The following PABPC4L variants were observed in gnomAD, a reference collection of about 807,000 sequenced individuals.
PABPC4L encodes polyadenylate-binding protein 4-like.
For missense variants in PABPC4L, 452 were observed against 451.4 expected, an observed-to-expected ratio of 1.00 and a Z score of -0.01; for synonymous variants, 169 against 164.1, an observed-to-expected ratio of 1.03 and a Z score of -0.23.
chr4:134,091,316 A>G, the PABPC4L span, among the ~76,000 whole-genome samples: 2 of 151,900 alleles, frequency 1.3e-5, no homozygotes, highest in Non-Finnish European at 2.9e-5. Flanking sequence ...TTTTTATACG[A>G]AGACAATTTG....
the PABPC4L span, among the ~76,000 whole-genome samples, chr4:134,120,630 G>A: frequency 0.035 from 5,351 of 150,970 alleles, 155 homozygotes; most frequent in Non-Finnish European, 0.049. Context: ...ATACTTCTAT[G>A]TTCCTTCAAG....
chr4:134,193,971 A>G (rs553962707), downstream of PABPC4L, among the ~76,000 whole-genome samples: 3 of 152,086 alleles, frequency 2.0e-5, no homozygotes, highest in South Asian at 2.1e-4. Flanking sequence ...GTATAGTGAA[A>G]GATACCTGAA....
chr4:134,089,766 T>G, the PABPC4L span, among the ~76,000 whole-genome samples: 136 of 152,132 alleles, frequency 8.9e-4, no homozygotes, highest in African/African-American at 3.2e-3. Flanking sequence ...ATATGTGGGT[T>G]CCATAGGGCT....
At chr4:134,080,766 A>G in the PABPC4L span, among the ~76,000 whole-genome samples, 1 of 152,174 alleles carries the variant, frequency 6.6e-6, no homozygotes, top group Admixed American at 6.6e-5. Context: ...AATTGTCTCA[A>G]TTTGTAGAAG....
At chr4:134,004,038 C>T in the PABPC4L span, among the ~76,000 whole-genome samples, 2 of 151,888 alleles carry the variant, frequency 1.3e-5, no homozygotes, top group Non-Finnish European at 2.9e-5. Context: ...TCCAAAACCA[C>T]TAGCCAAAAA....
chr4:134,118,696 G>C, the PABPC4L span, among the ~76,000 whole-genome samples: 1 of 151,630 alleles, frequency 6.6e-6, no homozygotes, highest in Non-Finnish European at 1.5e-5. Flanking sequence ...AGATTTCAGA[G>C]AGATTTCTCT....
At chr4:134,028,855 C>A in the PABPC4L span, among the ~76,000 whole-genome samples, 1 of 152,056 alleles carries the variant, frequency 6.6e-6, no homozygotes, top group Non-Finnish European at 1.5e-5. Context: ...AGGTCAGATC[C>A]TCAAGTTCTA....
chr4:134,014,306 A>G, the PABPC4L span, among the ~76,000 whole-genome samples: 1 of 152,174 alleles, frequency 6.6e-6, no homozygotes, highest in African/African-American at 2.4e-5. Flanking sequence ...AAGTAGCAAC[A>G]TATTTCTGAG....
At chr4:134,078,967 C>CT in the PABPC4L span, among the ~76,000 whole-genome samples, 580 of 63,790 alleles carry the variant, frequency 9.1e-3, 12 homozygotes, top group East Asian at 0.026. Context: ...CGTGCCCGGG[C>CT]TTTTTTTTTT....
chr4:134,107,000 G>A, the PABPC4L span, among the ~76,000 whole-genome samples: 1 of 151,410 alleles, frequency 6.6e-6, no homozygotes, highest in African/African-American at 2.4e-5. Flanking sequence ...TAAACTAAGT[G>A]GAGAATTTAC....
chr4:134,022,325 A>G, the PABPC4L span, among the ~76,000 whole-genome samples: 6 of 152,122 alleles, frequency 3.9e-5, no homozygotes, highest in African/African-American at 9.7e-5. Flanking sequence ...AGCCGCATTC[A>G]GTTTTGATAA....
At chr4:134,189,818 A>T in the PABPC4L span, among the ~76,000 whole-genome samples, 1 of 152,038 alleles carries the variant, frequency 6.6e-6, no homozygotes, top group Non-Finnish European at 1.5e-5. Context: ...AGTTGACTGG[A>T]ATTGTGTATT....
chr4:134,130,487 T>C, the PABPC4L span, among the ~76,000 whole-genome samples: 1 of 151,504 alleles, frequency 6.6e-6, no homozygotes, highest in African/African-American at 2.4e-5. Context: ...CAGGAAGAAA[T>C]AGAAACTCTG....
At chr4:134,082,598 T>A in the PABPC4L span, among the ~76,000 whole-genome samples, 2 of 152,102 alleles carry the variant, frequency 1.3e-5, no homozygotes, top group Non-Finnish European at 2.9e-5. Context: ...ATTGTGTAAA[T>A]ATAAAAACTA....
the PABPC4L span, among the ~76,000 whole-genome samples, chr4:133,953,726 G>T: frequency 2.0e-5 from 3 of 152,214 alleles, no homozygotes; most frequent in Admixed American, 2.0e-4. Context: ...TATACAGTTG[G>T]GAATTTCTGC....
In PABPC4L at chr4:134,200,249, C is replaced by CTA; in HGVS notation, c.770_771insTA (p.Gln258SerfsTer3). ...GAGCCCGGCCTACAAAAATCAGCTG[C>CTA]CCATTTATGTCCCTTCCATTCATTT... On this transcript the variant is annotated frameshift_variant, in exon 2 of 2. Coordinates refer to ENST00000421491, the MANE Select transcript of PABPC4L (RefSeq NM_001114734.2). LOFTEE classifies it low-confidence loss of function (END_TRUNC). 1 of 1,554,380 alleles carries CTA rather than the reference C, an allele frequency of 6.4e-7. No homozygotes were observed. The highest frequency in any genetic ancestry group is 8.7e-7 in the Non-Finnish European group (1 of 1,148,356).
chr4:134,159,047 A>T, the PABPC4L span, among the ~76,000 whole-genome samples: 10 of 152,290 alleles, frequency 6.6e-5, no homozygotes, highest in South Asian at 2.1e-3. Flanking sequence ...AAAAAATGGA[A>T]CACCTGCATA....
At chr4:134,009,278 T>G in the PABPC4L span, among the ~76,000 whole-genome samples, 2 of 151,990 alleles carry the variant, frequency 1.3e-5, no homozygotes, top group Non-Finnish European at 2.9e-5. Flanking sequence ...CTGTGAGTTA[T>G]TGACATTCTT....
the PABPC4L span, among the ~76,000 whole-genome samples, chr4:133,986,981 C>T: frequency 6.6e-6 from 1 of 152,042 alleles, no homozygotes; most frequent in African/African-American, 2.4e-5. Flanking sequence ...GGTGATCTAC[C>T]CGACTCGACC....
Sources: gnomAD v4.1 joint callset for allele counts (sites outside exome capture counted in the v4.1 genomes callset) on GRCh38, gnomAD v4.1.1 for gene constraint, MANE v1.5 for transcripts, NCBI Gene and HGNC (gene_info 2026-07-23, HGNC 2026-07-21) for gene names.